RBFOX1: variants seen among roughly 807,000 people sequenced by gnomAD.
The protein encoded by RBFOX1 is RNA binding fox-1 homolog 1.
In RBFOX1, 8 loss-of-function variants were observed where a neutral mutation model predicts 57.7. The observed-to-expected ratio is 0.14, with a 90% CI of 0.08 to 0.25. The LOEUF (loss-of-function observed/expected upper bound fraction) is 0.25. RBFOX1 is among the 10% of genes least tolerant of loss of function. The pLI, the probability that RBFOX1 is intolerant of heterozygous loss-of-function variation, is 1.00. For synonymous variants in RBFOX1, 326 were observed against 222.4 expected, an observed-to-expected ratio of 1.47 and a Z score of -4.15; for missense variants, 611 against 548.5, an observed-to-expected ratio of 1.11 and a Z score of -1.14.
chr16:6,460,102 T>C (rs981964774), intron 2 of RBFOX1, among the ~76,000 whole-genome samples: 2 of 144,596 alleles, frequency 1.4e-5, no homozygotes, highest in Non-Finnish European at 3.0e-5. Context: ...GGGGCTGCCA[T>C]AATACAGCAT....
At chr16:6,232,375 A>G (rs2097469346) in intron 1 of RBFOX1, among the ~76,000 whole-genome samples, 1 of 152,202 alleles carries the variant, frequency 6.6e-6, no homozygotes, top group African/African-American at 2.4e-5. Flanking sequence ...TCCCTGGATT[A>G]TAAAATATGT....
chr16:5,417,509 G>A (rs903802523), intron 1 of RBFOX1, among the ~76,000 whole-genome samples: 2 of 137,556 alleles, frequency 1.5e-5, no homozygotes, highest in African/African-American at 5.5e-5. Context: ...CCTCACCACC[G>A]TGTGTGGCTT....
chr16:5,395,426 G>T (rs1172122196), intron 1 of RBFOX1, among the ~76,000 whole-genome samples: 1 of 150,234 alleles, frequency 6.7e-6, no homozygotes. Context: ...TAACGCAGTT[G>T]CGGGTGAGGT....
chr16:7,272,143 A>C lies in RBFOX1; in HGVS notation c.27+220045A>C, dbSNP rs139186077. On this transcript the variant is annotated intron_variant, in intron 4 of 15. Coordinates refer to ENST00000550418, the MANE Select transcript of RBFOX1 (RefSeq NM_018723.4). Reference sequence around the variant, plus strand: ...AAAACTTGATTTCTAATGGTTATGCAATATTTAAATGTTAATAGATTACTC... The same window carrying C: ...AAAACTTGATTTCTAATGGTTATGCCATATTTAAATGTTAATAGATTACTC... Among the ~76,000 whole-genome samples the C allele has an allele frequency of 4.2e-3, 634 of 152,302 alleles. 2 individuals are homozygous for C. In the Middle Eastern group the frequency reaches 0.044, roughly 11 times the overall value.
chr16:6,370,580 G>A (rs73530399), intron 2 of RBFOX1, among the ~76,000 whole-genome samples: 2,338 of 152,176 alleles, frequency 0.015, 64 homozygotes, highest in African/African-American at 0.052. Flanking sequence ...AAAGAAACCA[G>A]TCGCAAAAGG....
Position 6,796,155 on chromosome 16 carries a change from G to C in RBFOX1, c.-16+141505G>C, listed in dbSNP as rs555716657. Among the ~76,000 whole-genome samples, 11 of 152,132 alleles carry C rather than the reference G, an allele frequency of 7.2e-5. No homozygotes were observed. The South Asian group carries it at 2.3e-3, about 32-fold the overall frequency. On this transcript the variant is annotated intron_variant, in intron 3 of 15. Transcript: ENST00000550418. ...TGAAAGGTATGTCTCACATGGTGGC[G>C]GACAAGAGAAGAGAGCTTGTGCAGG...
intron 3 of RBFOX1, among the ~76,000 whole-genome samples, chr16:5,692,519 T>G (rs559817821): frequency 6.6e-6 from 1 of 152,196 alleles, no homozygotes; most frequent in Non-Finnish European, 1.5e-5. Flanking sequence ...AGACCCTGAG[T>G]AGAGAAAGTC....
At chr16:6,849,864 C>G (rs1380090753) in intron 3 of RBFOX1, among the ~76,000 whole-genome samples, 1 of 152,088 alleles carries the variant, frequency 6.6e-6, no homozygotes, top group Admixed American at 6.6e-5. Context: ...TCTTCCTACC[C>G]TGCCACTTAA....
intron 1 of RBFOX1, among the ~76,000 whole-genome samples, chr16:6,054,549 A>G (rs149029835): frequency 1.3e-5 from 2 of 152,300 alleles, no homozygotes; most frequent in Admixed American, 6.5e-5. Context: ...CCTGAAAGAT[A>G]AACACTGGGT....
At position 6,615,556 on chromosome 16, in the gene RBFOX1, C is replaced by A. The variant is rs866937841; in HGVS notation, c.-63-39047C>A. Among the ~76,000 whole-genome samples, 6 of 149,204 alleles carry A rather than the reference C, an allele frequency of 4.0e-5. No homozygotes were observed. The South Asian group carries it at 6.4e-4, about 16-fold the overall frequency. ...CATCTCTCCATCCTGGGAGAAAGAG[C>A]GAATCTCCATCTAAAAAAAAAAAAA... On this transcript the variant is annotated intron_variant, in intron 2 of 15. Coordinates refer to ENST00000550418, the MANE Select transcript of RBFOX1 (RefSeq NM_018723.4).
intron 2 of RBFOX1, among the ~76,000 whole-genome samples, chr16:6,489,396 G>T (rs891540789): frequency 2.6e-5 from 4 of 151,932 alleles, no homozygotes. Flanking sequence ...TTAATTCATT[G>T]AATCTTTAAG....
chr16:6,038,672 A>T (rs113468684), intron 1 of RBFOX1: 3 of 148,640 alleles, frequency 2.0e-5, no homozygotes, highest in African/African-American at 4.9e-5. Flanking sequence ...TTTGTGACCC[A>T]TTATTAAGCA....
Position 6,524,908 on chromosome 16 carries a change from C to T in RBFOX1, c.-63-129695C>T, listed in dbSNP as rs184983133. Reference sequence around the variant, plus strand: ...CCATTCCCTGGATTTAGGGCCCATCCTGAGCCAGTATGACCTCATCTTAAC... The same window carrying T: ...CCATTCCCTGGATTTAGGGCCCATCTTGAGCCAGTATGACCTCATCTTAAC... On this transcript the variant is annotated intron_variant, in intron 2 of 15. Coordinates refer to ENST00000550418, the MANE Select transcript of RBFOX1 (RefSeq NM_018723.4). Among the ~76,000 whole-genome samples the T allele has an allele frequency of 9.6e-4, 146 of 152,246 alleles. No individual in the cohort carries two copies. In the Middle Eastern group the frequency reaches 0.054, roughly 57 times the overall value.
intron 3 of RBFOX1, among the ~76,000 whole-genome samples, chr16:7,010,367 T>G (rs1004796032): frequency 1.7e-4 from 26 of 152,280 alleles, no homozygotes; most frequent in African/African-American, 6.0e-4. Flanking sequence ...CTGTACAGAC[T>G]CTTACGCTAG....
At chr16:7,163,107 A>T (rs2078721648) in intron 4 of RBFOX1, among the ~76,000 whole-genome samples, 1 of 152,176 alleles carries the variant, frequency 6.6e-6, no homozygotes. Context: ...AATAATTCCT[A>T]AGTTACTGAA....
chr16:6,964,695 C>T (rs1279266554), intron 3 of RBFOX1, among the ~76,000 whole-genome samples: 5 of 152,060 alleles, frequency 3.3e-5, no homozygotes, highest in African/African-American at 1.2e-4. Context: ...AAGCTGATAT[C>T]ACAAAGGGTG....
At chr16:7,308,944 A>C (rs578171217) in intron 4 of RBFOX1, among the ~76,000 whole-genome samples, 14 of 152,322 alleles carry the variant, frequency 9.2e-5, no homozygotes, top group Admixed American at 2.6e-4. Flanking sequence ...GGAATTTATC[A>C]CATTCTTTCT....
chr16:5,286,575 T>C (rs1567281703), intron 1 of RBFOX1, among the ~76,000 whole-genome samples: 1 of 152,180 alleles, frequency 6.6e-6, no homozygotes, highest in Non-Finnish European at 1.5e-5. Context: ...CAGCTCTGCA[T>C]GAGAAGAAGG....
chr16:7,466,329 T>G (rs2060511348), intron 4 of RBFOX1, among the ~76,000 whole-genome samples: 1 of 61,378 alleles, frequency 1.6e-5, no homozygotes, highest in Admixed American at 2.2e-4. Flanking sequence ...AAAGGTTAAG[T>G]TAAGTGAATG....
Sources: allele counts gnomAD v4.1 joint callset (sites outside exome capture counted in the v4.1 genomes callset), GRCh38; gene constraint gnomAD v4.1.1; transcripts MANE v1.5; gene names NCBI Gene and HGNC (gene_info 2026-07-23, HGNC 2026-07-21).